Variants in DISP1 observed in about 807,000 individuals in gnomAD.
DISP1 encodes the protein dispatched RND transporter family member 1.
In DISP1, 30 loss-of-function variants were observed where a neutral mutation model predicts 37.3. The observed-to-expected ratio is 0.80, with a 90% CI of 0.60 to 1.09. The LOEUF (loss-of-function observed/expected upper bound fraction) is 1.09. DISP1 is among the 50% of genes least tolerant of loss of function. The probability of loss-of-function intolerance (pLI) is 0.00; values close to 1 mark genes in which losing one functional copy is unlikely to be tolerated. For missense variants in DISP1, 1,598 were observed against 1,879.5 expected (o/e 0.85, Z 2.77); for synonymous variants, 634 against 690.2 (o/e 0.92, Z 1.28).
intron 3 of DISP1, among the ~76,000 whole-genome samples, chr1:222,974,877 T>G (rs187123357): frequency 1.5e-3 from 225 of 152,316 alleles, no homozygotes; most frequent in African/African-American, 5.2e-3. Context: ...AGAATGCTCA[T>G]CAAAGTGCGG....
intron 1 of DISP1, among the ~76,000 whole-genome samples, chr1:222,823,269 G>A (rs1261884171): frequency 6.6e-6 from 1 of 151,958 alleles, no homozygotes; most frequent in Non-Finnish European, 1.5e-5. Context: ...GCAAAGATAC[G>A]GAATCAACCT....
intron 1 of DISP1, among the ~76,000 whole-genome samples, chr1:222,896,348 C>A (rs1196772790): frequency 6.6e-6 from 1 of 151,534 alleles, no homozygotes; most frequent in Non-Finnish European, 1.5e-5. Context: ...TGCCTGTAAT[C>A]CCAGCACTTT....
chr1:222,962,931 G>T (rs574703113), intron 3 of DISP1, among the ~76,000 whole-genome samples: 2 of 152,272 alleles, frequency 1.3e-5, no homozygotes, highest in East Asian at 1.9e-4. Flanking sequence ...TGACAAATGG[G>T]ATCTAATTAA....
chr1:222,883,882 T>C (rs372217429), intron 1 of DISP1, among the ~76,000 whole-genome samples: 2 of 152,342 alleles, frequency 1.3e-5, no homozygotes, highest in East Asian at 1.9e-4. Context: ...TGTACAAAAA[T>C]AGAAGGCATT....
At chr1:222,841,164 T>C (rs565595420) in intron 1 of DISP1, among the ~76,000 whole-genome samples, 12 of 152,364 alleles carry the variant, frequency 7.9e-5, no homozygotes, top group Middle Eastern at 3.4e-3. Context: ...CTTTTTCATC[T>C]GTAAATTTTT....
intron 1 of DISP1, among the ~76,000 whole-genome samples, chr1:222,859,701 A>C (rs1302137909): frequency 1.3e-5 from 2 of 152,210 alleles, no homozygotes; most frequent in Non-Finnish European, 2.9e-5. Context: ...TAGAAAATAA[A>C]GTGGAGATGT....
chr1:222,907,947 T>A (rs1005360506), intron 1 of DISP1, among the ~76,000 whole-genome samples: 1 of 152,152 alleles, frequency 6.6e-6, no homozygotes, highest in Non-Finnish European at 1.5e-5. Flanking sequence ...AGACTCCATC[T>A]CAAAATAAAT....
rs546676157 is a variant in DISP1, at chr1:222,869,405, A to AAAACAAAATACC, written c.-159+54329_-159+54340dup. 2.2e-3 allele frequency among the ~76,000 whole-genome samples: 340 copies of AAAACAAAATACC among 152,330 alleles called. 1 individual carries two copies. Among genetic ancestry groups the AAAACAAAATACC allele is most frequent in the South Asian group, 6.0e-3 (29 of 4,822 alleles). On this transcript the variant is annotated intron_variant, in intron 1 of 8. Coordinates refer to ENST00000675850, the MANE Select transcript of DISP1 (RefSeq NM_001377229.1). ...CAATTTGAGTGTATTTGGAATGGAG[A>AAAACAAAATACC]AAACAAAATACCAGCCCTTTTCTCA...
At chr1:222,916,314 AT>A (rs1672491813) in intron 1 of DISP1, among the ~76,000 whole-genome samples, 1 of 152,062 alleles carries the variant, frequency 6.6e-6, no homozygotes, top group African/African-American at 2.4e-5. Flanking sequence ...ACACTTCACA[AT>A]ACGAACTGGA....
At position 223,005,970 on chromosome 1, in the gene DISP1, T is replaced by C. The variant is rs746100916; in HGVS notation, c.4573T>C (p.Ter1525GlnextTer1). The C allele has an allele frequency of 1.2e-6, 2 of 1,609,900 alleles. No homozygotes were observed. Among genetic ancestry groups the C allele is most frequent in the African/African-American group, 2.7e-5 (2 of 74,976 alleles). Residue 1525 changes from the stop codon to glutamine, a stop_lost, in exon 9 of 9, where the codon TAA becomes CAA. Transcript: ENST00000675850. ...SGESLLIKTL* is the reference protein window; with the variant it reads ...SGESLLIKTLQ The stretch of plus-strand genomic sequence containing the variant: ...TGAAAGTTTGTTAATAAAAACACTA[T>C]AATAAATGCAGCATTCAATTCAGAA...
chr1:222,841,612 T>A (rs905304214), intron 1 of DISP1, among the ~76,000 whole-genome samples: 1 of 152,216 alleles, frequency 6.6e-6, no homozygotes, highest in African/African-American at 2.4e-5. Context: ...GTGGGGCTTT[T>A]GTTATTTATA....
At chr1:222,959,460 G>A (rs775142666) in intron 3 of DISP1, among the ~76,000 whole-genome samples, 12 of 152,002 alleles carry the variant, frequency 7.9e-5, no homozygotes, top group South Asian at 2.1e-4. Context: ...CAGCACTTTG[G>A]GAGGCCAAGG....
intron 1 of DISP1, among the ~76,000 whole-genome samples, chr1:222,913,493 T>A (rs937121782): frequency 3.3e-5 from 5 of 152,190 alleles, no homozygotes; most frequent in African/African-American, 1.2e-4. Flanking sequence ...TTCTTCTATT[T>A]GCTTAGCAAT....
At chr1:222,871,710 A>G (rs1226431499) in intron 1 of DISP1, among the ~76,000 whole-genome samples, 3 of 152,194 alleles carry the variant, frequency 2.0e-5, no homozygotes, top group Non-Finnish European at 4.4e-5. Flanking sequence ...GGTTTTCTAG[A>G]TATACAATCA....
chr1:222,855,651 C>T (rs909624426), intron 1 of DISP1, among the ~76,000 whole-genome samples: 4 of 152,274 alleles, frequency 2.6e-5, no homozygotes, highest in South Asian at 2.1e-4. Context: ...AAATGCCTTA[C>T]GTACCTAATG....
chr1:222,929,634 C>G lies in DISP1; in HGVS notation c.-18+1064C>G, dbSNP rs575140427. ...CTTTGTTGGCTGGGAAATCACTAAA[C>G]TGTGTAAATAAGCTCTAAATTTATG... On this transcript the variant is annotated intron_variant, in intron 2 of 8. Coordinates refer to ENST00000675850, the MANE Select transcript of DISP1 (RefSeq NM_001377229.1). Among the ~76,000 whole-genome samples, 20 of 152,176 alleles carry G rather than the reference C, an allele frequency of 1.3e-4. No homozygotes were observed. The South Asian group carries it at 4.1e-3, about 32-fold the overall frequency.
In DISP1 at chr1:222,943,237, G is replaced by A. The variant is rs143316612; in HGVS notation, c.414G>A (p.Thr138=). 3,888 of 1,613,160 alleles carry A rather than the reference G, an allele frequency of 2.4e-3. 6 individuals carry two copies. The highest frequency in any genetic ancestry group is 3.0e-3 in the Middle Eastern group (18 of 6,058). The part of the protein sequence containing the change: ...CPNHSPVYQT[T]CCLQPSPSFC... ...ATCATTCACCTGTGTATCAGACTAC[G>A]TGCTGTCTTCAGCCCTCTCCATCCT... The change falls in exon 3 of 9, where the codon ACG becomes ACA. Residue 138 remains threonine (T), a synonymous_variant. Transcript: ENST00000675850.
chr1:222,936,785 A>C (rs190342801), intron 2 of DISP1, among the ~76,000 whole-genome samples: 7 of 67,016 alleles, frequency 1.0e-4, no homozygotes, highest in Admixed American at 4.6e-4. Flanking sequence ...TATCATATAT[A>C]ATATATATAA....
chr1:222,886,943 C>G (rs1670631805), intron 1 of DISP1, among the ~76,000 whole-genome samples: 1 of 152,218 alleles, frequency 6.6e-6, no homozygotes, highest in Non-Finnish European at 1.5e-5. Context: ...TGATGTCATG[C>G]ATCTCTCAGA....
Sources: allele counts gnomAD v4.1 joint callset (sites outside exome capture counted in the v4.1 genomes callset), GRCh38; gene constraint gnomAD v4.1.1; transcripts MANE v1.5; gene names NCBI Gene and HGNC (gene_info 2026-07-23, HGNC 2026-07-21).